TSR2: variants seen among roughly 807,000 people sequenced by gnomAD.
TSR2 encodes the protein pre-rRNA-processing protein TSR2 homolog.
In TSR2, 1 loss-of-function variant was observed where a neutral mutation model predicts 13.3. That is an observed-to-expected ratio of 0.08 (90% CI 0.03 to 0.36). The LOEUF is 0.36. Ranked by LOEUF, TSR2 falls within the 10% of genes least tolerant of loss-of-function variation. TSR2 has a pLI of 0.99. For missense variants in TSR2, 120 were observed against 151.1 expected, an observed-to-expected ratio of 0.79 and a Z score of 1.08; for synonymous variants, 60 against 57.7, an observed-to-expected ratio of 1.04 and a Z score of -0.18.
intron 2 of TSR2, among the ~76,000 whole-genome samples, chrX:54,441,810 C>T (rs1921949595): frequency 1.8e-5 from 2 of 110,998 alleles, no homozygotes; most frequent in Non-Finnish European, 3.8e-5. Context: ...ACATGGAAGC[C>T]CTTATGTGCC....
rs1256350825 is a variant in TSR2, at chrX:54,446,388, G to C, written c.*1838G>C. ...GCGGTCCCACCTCGAAGCCAATGAG[G>C]GGCAGGCTGCGCTGGGCTTTCACAT... On this transcript the variant is annotated 3_prime_UTR_variant, in exon 5 of 5. Coordinates refer to ENST00000375151, the MANE Select transcript of TSR2 (RefSeq NM_058163.3). 5.0e-6 allele frequency: 6 copies of C among 1,210,410 alleles called. No homozygotes were observed. Among genetic ancestry groups the C allele is most frequent in the Non-Finnish European group, 6.7e-6 (6 of 894,894 alleles).
At position 54,445,989 on chromosome X, in the gene TSR2, G is replaced by A. The variant is rs1010527527; in HGVS notation, c.*1439G>A. The A allele has an allele frequency of 3.1e-5, 16 of 521,305 alleles. No individual in the cohort carries two copies. Among genetic ancestry groups the A allele is most frequent in the Non-Finnish European group, 5.0e-5 (16 of 318,786 alleles). The allele number at this position is 521,305 out of a possible 1,213,427, so 43.0% of individuals were successfully genotyped here. ...AACCCAAGACCCAGCATTCGGGATT[G>A]AAAGTGCCCGTGATGGGAGTTCAAG... On this transcript the variant is annotated 3_prime_UTR_variant, in exon 5 of 5. Transcript: ENST00000375151.
At chrX:54,441,095 T>A (rs1410240683) in intron 2 of TSR2, among the ~76,000 whole-genome samples, 4 of 112,346 alleles carry the variant, frequency 3.6e-5, no homozygotes, top group Admixed American at 9.5e-5. Flanking sequence ...TAATTTAAAA[T>A]TTTTTAGTAG....
chrX:54,441,005 C>T (rs1205682303), intron 2 of TSR2, among the ~76,000 whole-genome samples: 2 of 111,630 alleles, frequency 1.8e-5, no homozygotes, highest in African/African-American at 3.3e-5. Flanking sequence ...CTCCCTGAGA[C>T]TCAGTTTCCT....
In TSR2 at chrX:54,444,676, CTCTG is replaced by C. The variant is rs1048393118; in HGVS notation, c.*131_*134del. On this transcript the variant is annotated 3_prime_UTR_variant, in exon 5 of 5. Transcript: ENST00000375151. Reference sequence around the variant, plus strand: ...CCCATCTCCACCCTCTCCCCTGTTCCTCTGTCTGGCTCCCTCCAGGGCAAGGAAA... The same window carrying C: ...CCCATCTCCACCCTCTCCCCTGTTCCTCTGGCTCCCTCCAGGGCAAGGAAA... The C allele has an allele frequency of 2.5e-4, 172 of 699,183 alleles. No homozygotes were observed. The highest frequency in any genetic ancestry group is 3.4e-4 in the Non-Finnish European group (167 of 490,231). The allele number at this position is 699,183 out of a possible 1,213,427, so 57.6% of individuals were successfully genotyped here. A position where few individuals can be genotyped will look rare whatever the true frequency, so the allele number is the denominator to read the frequency against.
chrX:54,442,438 T>C lies in TSR2; in HGVS notation c.173-962T>C, dbSNP rs773991278. Among the ~76,000 whole-genome samples the C allele has an allele frequency of 6.5e-4, 73 of 111,468 alleles. 1 individual carries two copies. The highest frequency in any genetic ancestry group is 3.4e-4 in the Non-Finnish European group (18 of 53,117). ...GAAGCAGGTTTAAAGAGTAAGGTGA[T>C]GAGTCTGGCTTTAGATATGGAAGAT... On this transcript the variant is annotated intron_variant, in intron 2 of 4. Transcript: ENST00000375151.
In TSR2 at chrX:54,446,120, C is replaced by A. The variant is rs1397832644; in HGVS notation, c.*1570C>A. ...TTGTCCCAAACCCTCTAGGTCTTGTCTCGGGTCTGGGGGGATTCGGGGGGT... is the reference window on the plus strand; with the variant it reads ...TTGTCCCAAACCCTCTAGGTCTTGTATCGGGTCTGGGGGGATTCGGGGGGT... On this transcript the variant is annotated 3_prime_UTR_variant, in exon 5 of 5. Transcript: ENST00000375151. 1 of 1,208,513 alleles carries A rather than the reference C, an allele frequency of 8.3e-7. No individual in the cohort carries two copies. The highest frequency in any genetic ancestry group is 1.1e-6 in the Non-Finnish European group (1 of 894,129).
At chrX:54,441,037 A>C (rs2147413339) in intron 2 of TSR2, among the ~76,000 whole-genome samples, 1 of 111,947 alleles carries the variant, frequency 8.9e-6, no homozygotes, top group South Asian at 3.8e-4. Context: ...TGCGTATAAA[A>C]GTATCCACCA....
chrX:54,445,221 T>C lies in TSR2; in HGVS notation c.*671T>C, dbSNP rs756207730. Reference sequence around the variant, plus strand: ...TGTTTTCTGTCTCCTCTAACCTCTTTCCTTACTCCTTATCCCATCCCATTT... The same window carrying C: ...TGTTTTCTGTCTCCTCTAACCTCTTCCCTTACTCCTTATCCCATCCCATTT... On this transcript the variant is annotated 3_prime_UTR_variant, in exon 5 of 5. Coordinates refer to ENST00000375151, the MANE Select transcript of TSR2 (RefSeq NM_058163.3). 4 of 110,546 alleles carry C rather than the reference T, an allele frequency of 3.6e-5. No homozygotes were observed. The highest frequency in any genetic ancestry group is 7.6e-5 in the Non-Finnish European group (4 of 52,897). 9.1% of individuals were successfully genotyped at this position (110,546 alleles called of 1,213,427 possible). A position where few individuals can be genotyped will look rare whatever the true frequency, so the allele number is the denominator to read the frequency against.
rs184479685 is a variant in TSR2 at position 54,447,663 on chromosome X, C to T, written c.*3113C>T. Among the ~76,000 whole-genome samples the T allele has an allele frequency of 4.1e-3, 459 of 112,802 alleles. 1 individual carries two copies. The highest frequency in any genetic ancestry group is 0.013 in the African/African-American group (396 of 31,091). ...AGGTTCGTCTGCCTCATTTGGGCAA[C>T]GGCTGCTGCCTCTACAGGCCAGTGG... On this transcript the variant is annotated 3_prime_UTR_variant, in exon 5 of 5. Coordinates refer to ENST00000375151, the MANE Select transcript of TSR2 (RefSeq NM_058163.3).
Position 54,446,721 on chromosome X carries a change from CTT to C in TSR2, c.*2190_*2191del, listed in dbSNP as rs1226487472. Among the ~76,000 whole-genome samples, 67 of 87,652 alleles carry C rather than the reference CTT, an allele frequency of 7.6e-4. No individual in the cohort carries two copies. Among genetic ancestry groups the C allele is most frequent in the African/African-American group, 2.6e-3 (59 of 23,022 alleles). The allele number at this position is 87,652 out of a possible 115,157, so 76.1% of individuals were successfully genotyped here. A position where few individuals can be genotyped will look rare whatever the true frequency, so the allele number is the denominator to read the frequency against. On this transcript the variant is annotated 3_prime_UTR_variant, in exon 5 of 5. Coordinates refer to ENST00000375151, the MANE Select transcript of TSR2 (RefSeq NM_058163.3). ...CTATGCTATTGCCCCTATCTGCATA[CTT>C]TTTTTTTTTTTTTTTTTTGAGACAG...
chrX:54,444,218 G>A, intron 4 of TSR2, 34 bp downstream of exon 4: 1 of 1,189,294 alleles, frequency 8.4e-7, no homozygotes, highest in South Asian at 1.9e-5. Context: ...GGGGGATACA[G>A]ATGTTTTCAA....
chrX:54,443,591 C>A, intron 3 of TSR2, 100 bp downstream of exon 3: 1 of 598,094 alleles, frequency 1.7e-6, no homozygotes. Flanking sequence ...GACTCTGTTG[C>A]CTAGAGGAAA....
chrX:54,446,513 C>T lies in TSR2; in HGVS notation c.*1963C>T. 2 of 820,303 alleles carry T rather than the reference C, an allele frequency of 2.4e-6. No homozygotes were observed. The highest frequency in any genetic ancestry group is 3.5e-6 in the Non-Finnish European group (2 of 574,020). The allele number at this position is 820,303 out of a possible 1,213,427, so 67.6% of individuals were successfully genotyped here. ...TTGCATATGCTCTGTCTTCAGTCCC[C>T]TACTCAGGAACTCCCCTACTCAGGA... is the stretch of plus-strand genomic sequence containing the variant. On this transcript the variant is annotated 3_prime_UTR_variant, in exon 5 of 5. Coordinates refer to ENST00000375151, the MANE Select transcript of TSR2 (RefSeq NM_058163.3).
rs7066917 is a variant in TSR2 at position 54,440,632 on chromosome X, C to T, written c.82-58C>T. On this transcript the variant is annotated intron_variant, in intron 1 of 4. Coordinates refer to ENST00000375151, the MANE Select transcript of TSR2 (RefSeq NM_058163.3). ...TTGGCTGGGCGGCGTAAGCGGCCTC[C>T]AGGCTACTCCAGGTCTGCTCCCAAG... 0.025 allele frequency: 28,574 copies of T among 1,158,160 alleles called. 1,317 individuals carry two copies. Among genetic ancestry groups the T allele is most frequent in the African/African-American group, 0.24 (13,554 of 56,127 alleles).
chrX:54,443,542 C>T (rs372084398), intron 3 of TSR2, 51 bp downstream of exon 3: 3 of 943,871 alleles, frequency 3.2e-6, no homozygotes, highest in African/African-American at 4.0e-5. Flanking sequence ...AGTCTTTCTT[C>T]TCCCCAGCTG....
At position 54,440,415 on chromosome X, in the gene TSR2, C is replaced by G. The variant is rs1235570442; in HGVS notation, c.-7C>G. ...CGCCGGGACGTCACGTGGACTGGGG[C>G]CGGATAATGGCGGGCGCTGCAGAAG... On this transcript the variant is annotated 5_prime_UTR_variant, in exon 1 of 5. Coordinates refer to ENST00000375151, the MANE Select transcript of TSR2 (RefSeq NM_058163.3). 1 of 1,133,269 alleles carries G rather than the reference C, an allele frequency of 8.8e-7. No homozygotes were observed. Among genetic ancestry groups the G allele is most frequent in the Non-Finnish European group, 1.2e-6 (1 of 860,070 alleles). The allele number at this position is 1,133,269 out of a possible 1,213,427, so 93.4% of individuals were successfully genotyped here. A position where few individuals can be genotyped will look rare whatever the true frequency, so the allele number is the denominator to read the frequency against.
rs891720218 is a variant in TSR2, at chrX:54,445,987, T to A, written c.*1437T>A. 1.9e-6 allele frequency: 1 copy of A among 514,655 alleles called. No homozygotes were observed. Among genetic ancestry groups the A allele is most frequent in the African/African-American group, 2.4e-5 (1 of 41,966 alleles). 42.4% of individuals were successfully genotyped at this position (514,655 alleles called of 1,213,427 possible). A position where few individuals can be genotyped will look rare whatever the true frequency, so the allele number is the denominator to read the frequency against. ...AAAACCCAAGACCCAGCATTCGGGA[T>A]TGAAAGTGCCCGTGATGGGAGTTCA... On this transcript the variant is annotated 3_prime_UTR_variant, in exon 5 of 5. Coordinates refer to ENST00000375151, the MANE Select transcript of TSR2 (RefSeq NM_058163.3).
chrX:54,440,868 G>C, intron 2 of TSR2, 88 bp downstream of exon 2: 1 of 758,106 alleles, frequency 1.3e-6, no homozygotes, highest in Non-Finnish European at 1.9e-6. Context: ...TTCCTCTCGA[G>C]CAGTTGTGGA....
Sources: gnomAD v4.1 joint callset for allele counts (sites outside exome capture counted in the v4.1 genomes callset) on GRCh38, gnomAD v4.1.1 for gene constraint, MANE v1.5 for transcripts, NCBI Gene and HGNC (gene_info 2026-07-23, HGNC 2026-07-21) for gene names.